Variants in ANKS1B observed in about 807,000 individuals in gnomAD.
ANKS1B encodes ankyrin repeat and sterile alpha motif domain-containing protein 1B.
ANKS1B carries 36 observed loss-of-function variants against 148.3 expected under a neutral mutation model. That is an observed-to-expected ratio of 0.24 (90% CI 0.19 to 0.32). The LOEUF (loss-of-function observed/expected upper bound fraction) is 0.32. ANKS1B is among the 10% of genes least tolerant of loss of function. ANKS1B has a pLI of 1.00. For synonymous variants in ANKS1B, 542 were observed against 560.8 expected (o/e 0.97, Z 0.47); for missense variants, 1,157 against 1,542.6 (o/e 0.75, Z 4.19).
intron 12 of ANKS1B, among the ~76,000 whole-genome samples, chr12:99,304,747 G>A (rs991805709): frequency 6.6e-6 from 1 of 152,038 alleles, no homozygotes; most frequent in Admixed American, 6.6e-5. Flanking sequence ...ATGTCTGATG[G>A]TGATCTCTTA....
At chr12:98,931,322 G>C (rs1358458124) in intron 17 of ANKS1B, among the ~76,000 whole-genome samples, 1 of 152,144 alleles carries the variant, frequency 6.6e-6, no homozygotes, top group Non-Finnish European at 1.5e-5. Context: ...ACTGGCCAGA[G>C]GGGAAAAATT....
At chr12:99,466,606 T>C (rs1954352830) in intron 10 of ANKS1B, among the ~76,000 whole-genome samples, 2 of 149,950 alleles carry the variant, frequency 1.3e-5, no homozygotes, top group African/African-American at 5.1e-5. Context: ...ATAAAGGGGA[T>C]ATCACCACCG....
chr12:99,109,341 A>G (rs2059837245), intron 15 of ANKS1B, among the ~76,000 whole-genome samples: 1 of 152,170 alleles, frequency 6.6e-6, no homozygotes, highest in South Asian at 2.1e-4. Flanking sequence ...AAATAAACAT[A>G]AAGGAATGAA....
intron 9 of ANKS1B, among the ~76,000 whole-genome samples, chr12:99,643,115 G>A (rs1007117266): frequency 1.3e-5 from 2 of 152,168 alleles, no homozygotes; most frequent in Non-Finnish European, 2.9e-5. Context: ...TTGGGGAGGA[G>A]CATTATGCTG....
At chr12:99,586,581 T>C (rs1039141216) in intron 9 of ANKS1B, among the ~76,000 whole-genome samples, 1 of 152,198 alleles carries the variant, frequency 6.6e-6, no homozygotes, top group African/African-American at 2.4e-5. Context: ...TCCACATTTT[T>C]GAGTATCTTT....
At chr12:99,486,288 G>T (rs2096487440) in intron 10 of ANKS1B, among the ~76,000 whole-genome samples, 1 of 151,712 alleles carries the variant, frequency 6.6e-6, no homozygotes, top group Non-Finnish European at 1.5e-5. Flanking sequence ...GTACTTTCAG[G>T]GGTGAAGACT....
chr12:99,867,432 A>C (rs2090906873), intron 1 of ANKS1B, among the ~76,000 whole-genome samples: 2 of 152,182 alleles, frequency 1.3e-5, no homozygotes, highest in Non-Finnish European at 2.9e-5. Flanking sequence ...ATTTATAAAG[A>C]AAAAGAGGTT....
chr12:99,727,946 A>C (rs2058769900), intron 8 of ANKS1B, among the ~76,000 whole-genome samples: 2 of 152,232 alleles, frequency 1.3e-5, no homozygotes, highest in Middle Eastern at 3.4e-3. Context: ...TATGCAGAAA[A>C]CTGAAACTGG....
chr12:99,047,109 A>C (rs1362278359), intron 17 of ANKS1B, among the ~76,000 whole-genome samples: 1 of 152,064 alleles, frequency 6.6e-6, no homozygotes, highest in African/African-American at 2.4e-5. Context: ...GTAATAGAAA[A>C]TATTCTGAGG....
intron 16 of ANKS1B, among the ~76,000 whole-genome samples, chr12:99,077,928 T>C (rs779512493): frequency 2.6e-5 from 4 of 152,190 alleles, no homozygotes; most frequent in Non-Finnish European, 5.9e-5. Context: ...ATCTATGACA[T>C]AGGGGTAGCA....
At chr12:99,105,331 T>C (rs944621147) in intron 15 of ANKS1B, among the ~76,000 whole-genome samples, 4 of 152,026 alleles carry the variant, frequency 2.6e-5, no homozygotes, top group South Asian at 2.1e-4. Context: ...AGTTGATAAG[T>C]TCCTGTGGGG....
intron 17 of ANKS1B, among the ~76,000 whole-genome samples, chr12:99,034,684 G>A (rs564580611): frequency 5.9e-5 from 9 of 152,292 alleles, no homozygotes; most frequent in African/African-American, 2.2e-4. Flanking sequence ...ATAGGAAGAT[G>A]GAGAGGAGCT....
intron 25 of ANKS1B, among the ~76,000 whole-genome samples, chr12:98,763,869 T>G (rs569103203): frequency 6.6e-6 from 1 of 152,376 alleles, no homozygotes; most frequent in Non-Finnish European, 1.5e-5. Flanking sequence ...CTGTATCTGC[T>G]GAGGTTTAAC....
intron 12 of ANKS1B, among the ~76,000 whole-genome samples, chr12:99,247,474 C>T (rs758396935): frequency 2.6e-5 from 4 of 152,076 alleles, no homozygotes; most frequent in Non-Finnish European, 5.9e-5. Flanking sequence ...AGGCAAACAA[C>T]GCAGTATCAG....
chr12:99,549,974 T>C (rs534842349), intron 9 of ANKS1B, among the ~76,000 whole-genome samples: 45 of 152,332 alleles, frequency 3.0e-4, no homozygotes, highest in African/African-American at 1.0e-3. Flanking sequence ...GGACCTATAA[T>C]TACTCCAGCA....
At chr12:99,117,183 G>A (rs1334917580) in intron 15 of ANKS1B, among the ~76,000 whole-genome samples, 2 of 152,060 alleles carry the variant, frequency 1.3e-5, no homozygotes, top group East Asian at 3.9e-4. Context: ...ATCTGAATAC[G>A]CTTTATTTCT....
chr12:98,960,805 A>T (rs552215740), intron 17 of ANKS1B, among the ~76,000 whole-genome samples: 4 of 152,176 alleles, frequency 2.6e-5, no homozygotes, highest in Non-Finnish European at 5.9e-5. Flanking sequence ...TTTAACAAAG[A>T]GATTGGAATA....
At chr12:99,796,568 A>G (rs1267440690) in intron 4 of ANKS1B, among the ~76,000 whole-genome samples, 1 of 151,982 alleles carries the variant, frequency 6.6e-6, no homozygotes, top group African/African-American at 2.4e-5. Flanking sequence ...TATGAGAAAC[A>G]TATTAAAAAC....
At chr12:99,575,246 T>G (rs1224925041) in intron 9 of ANKS1B, among the ~76,000 whole-genome samples, 1 of 151,988 alleles carries the variant, frequency 6.6e-6, no homozygotes, top group African/African-American at 2.4e-5. Flanking sequence ...TCAGCATCCT[T>G]AAAGAAAAGC....
Sources: gnomAD v4.1 joint callset for allele counts (sites outside exome capture counted in the v4.1 genomes callset) on GRCh38, gnomAD v4.1.1 for gene constraint, MANE v1.5 for transcripts, NCBI Gene and HGNC (gene_info 2026-07-23, HGNC 2026-07-21) for gene names.